Variants in WDR35 observed in about 807,000 individuals in gnomAD.
The protein encoded by WDR35 is WD repeat domain 35, also known as WD repeat-containing protein 35.
A neutral mutation model predicts 158.3 loss-of-function variants in WDR35; 118 were observed. The ratio of observed to expected loss-of-function variants is 0.75; its 90% CI spans 0.64 to 0.87. The LOEUF (loss-of-function observed/expected upper bound fraction) is 0.87, where lower values mean the gene tolerates loss of function less well. WDR35 is among the 40% of genes least tolerant of loss of function. WDR35 has a pLI of 0.00. For synonymous variants in WDR35, 448 were observed against 476.1 expected (o/e 0.94, Z 0.77); for missense variants, 1,263 against 1,405.8 (o/e 0.90, Z 1.62).
intron 25 of WDR35, among the ~76,000 whole-genome samples, chr2:19,929,954 T>C (rs900377298): frequency 6.6e-6 from 1 of 151,844 alleles, no homozygotes; most frequent in African/African-American, 2.4e-5. Context: ...TTTTAAAACG[T>C]GGTTTTCAAA....
chr2:19,950,661 C>T (rs1259673564), intron 13 of WDR35, among the ~76,000 whole-genome samples: 1 of 152,106 alleles, frequency 6.6e-6, no homozygotes, highest in Admixed American at 6.5e-5. Context: ...ACTTAATAGA[C>T]ATTCAAAAAA....
intron 25 of WDR35, among the ~76,000 whole-genome samples, chr2:19,916,339 A>G (rs1303595250): frequency 2.6e-5 from 4 of 152,186 alleles, no homozygotes; most frequent in Admixed American, 1.3e-4. Flanking sequence ...AGCTAGCTGC[A>G]GGAGTTTTTC....
At chr2:19,959,266 A>G (rs1378962483) in intron 11 of WDR35, among the ~76,000 whole-genome samples, 2 of 152,126 alleles carry the variant, frequency 1.3e-5, no homozygotes, top group Non-Finnish European at 2.9e-5. Flanking sequence ...TACTTGTGAT[A>G]AAAATTACTT....
intron 26 of WDR35, 73 bp downstream of exon 26, chr2:19,913,964 T>G: frequency 6.2e-7 from 1 of 1,601,646 alleles, no homozygotes; most frequent in Non-Finnish European, 8.5e-7. Context: ...AATTCCTACA[T>G]TAAACATTGT....
intron 5 of WDR35, among the ~76,000 whole-genome samples, chr2:19,977,920 C>T (rs1353819746): frequency 1.3e-5 from 2 of 152,204 alleles, no homozygotes; most frequent in Non-Finnish European, 1.5e-5. Context: ...TACACACCAA[C>T]CTACCTTGTG....
chr2:19,971,945 A>C (rs1209078402), intron 8 of WDR35, among the ~76,000 whole-genome samples: 1 of 152,184 alleles, frequency 6.6e-6, no homozygotes, highest in African/African-American at 2.4e-5. Flanking sequence ...GAAAATAACT[A>C]AACTGTGTCT....
At chr2:19,948,073 G>T in intron 14 of WDR35, 91 bp downstream of exon 14, 1 of 1,028,508 alleles carries the variant, frequency 9.7e-7, no homozygotes. Context: ...AAGTAACTGT[G>T]ATTACAGACA....
At chr2:19,923,423 G>C (rs1670246288) in intron 25 of WDR35, among the ~76,000 whole-genome samples, 1 of 152,186 alleles carries the variant, frequency 6.6e-6, no homozygotes, top group Non-Finnish European at 1.5e-5. Flanking sequence ...GGAAAAGTGT[G>C]GGCTGTGGTT....
intron 25 of WDR35, among the ~76,000 whole-genome samples, chr2:19,918,480 T>C (rs1266374509): frequency 6.6e-6 from 1 of 152,092 alleles, no homozygotes; most frequent in Non-Finnish European, 1.5e-5. Context: ...TGGTGTGCTG[T>C]ATGCAGGAGA....
chr2:19,932,021 A>G lies in WDR35; in HGVS notation c.2823+262T>C, dbSNP rs899862575. Among the ~76,000 whole-genome samples the G allele has an allele frequency of 2.0e-5, 3 of 152,264 alleles. No individual in the cohort carries two copies. The East Asian group carries it at 5.8e-4, about 29-fold the overall frequency. On this transcript the variant is annotated intron_variant, in intron 23 of 26. Transcript: ENST00000281405. ...CCTGTTGTAGAAATTTGTACTTTGC[A>G]GTCTCAGTAATTTCTTTAACTCTTT...
At chr2:19,979,823 G>T (rs533519288) in intron 4 of WDR35, among the ~76,000 whole-genome samples, 1 of 142,408 alleles carries the variant, frequency 7.0e-6, no homozygotes, top group African/African-American at 2.5e-5. Context: ...AAAAATTAAA[G>T]TATTATAGCA....
chr2:19,910,568 C>T lies in WDR35; in HGVS notation c.*2990G>A, dbSNP rs781556463. The T allele has an allele frequency of 2.0e-5, 3 of 152,158 alleles. No homozygotes were observed. Among genetic ancestry groups the T allele is most frequent in the Non-Finnish European group, 2.9e-5 (2 of 68,042 alleles). The allele number at this position is 152,158 out of a possible 1,614,324, so 9.4% of individuals were successfully genotyped here. On this transcript the variant is annotated 3_prime_UTR_variant, in exon 27 of 27. Coordinates refer to ENST00000281405, the MANE Select transcript of WDR35 (RefSeq NM_020779.4). ...AAAAAAACAACTTGGCATTACTCAA[C>T]GGGAAGTCAGTACATGTTTTTTGCA...
intron 2 of WDR35, among the ~76,000 whole-genome samples, chr2:19,983,176 C>T (rs1268344182): frequency 6.6e-6 from 1 of 152,132 alleles, no homozygotes; most frequent in African/African-American, 2.4e-5. Context: ...CCAGGGAAGG[C>T]TATCAGAAGA....
intron 25 of WDR35, among the ~76,000 whole-genome samples, chr2:19,927,362 G>A (rs773758007): frequency 2.3e-4 from 35 of 152,212 alleles, no homozygotes; most frequent in Non-Finnish European, 4.7e-4. Context: ...TTGCATTGCA[G>A]AACAGGCAGA....
rs527280259 is a variant in WDR35 at position 19,936,116 on chromosome 2, A to C, written c.2414+103T>G. The C allele has an allele frequency of 2.1e-5, 33 of 1,540,282 alleles. No individual in the cohort carries two copies. In the South Asian group the frequency reaches 3.4e-4, roughly 16 times the overall value. ...TAGAGCTATCTGAATTTTAGAATTC[A>C]AGAAAATGATCTTCATTTCCCCAGG... On this transcript the variant is annotated intron_variant, in intron 20 of 26. Coordinates refer to ENST00000281405, the MANE Select transcript of WDR35 (RefSeq NM_020779.4).
chr2:19,968,885 C>T (rs545726268), intron 9 of WDR35, among the ~76,000 whole-genome samples: 1 of 152,346 alleles, frequency 6.6e-6, no homozygotes, highest in South Asian at 2.1e-4. Context: ...CTTCTCTACC[C>T]TGCCGTGAGC....
Position 19,931,401 on chromosome 2 carries a change from AT to A in WDR35, c.2831del (p.Asp944ValfsTer24), listed in dbSNP as rs1405625607. 10 of 1,613,284 alleles carry A rather than the reference AT, an allele frequency of 6.2e-6. No individual in the cohort carries two copies. The highest frequency in any genetic ancestry group is 8.5e-6 in the Non-Finnish European group (10 of 1,179,656). ...DAAKLMFKIA[D>X]EEAKKGSKPL... is the part of the protein sequence containing the mutation. ...GTTTACTTCCTTTCTTTGCCTCTTC[AT>A]CTGCAATCTTAAACATTTTTCAAAA... On this transcript the variant is annotated frameshift_variant, in exon 24 of 27. Coordinates refer to ENST00000281405, the MANE Select transcript of WDR35 (RefSeq NM_020779.4). LOFTEE classifies it high-confidence loss of function.
intron 25 of WDR35, among the ~76,000 whole-genome samples, chr2:19,927,996 C>T (rs765232955): frequency 2.0e-5 from 3 of 152,146 alleles, no homozygotes; most frequent in African/African-American, 4.8e-5. Context: ...AGAAGGGGGA[C>T]ATGTTGGGAA....
intron 9 of WDR35, 76 bp from the exon 10 acceptor site, chr2:19,966,985 C>T: frequency 7.0e-7 from 1 of 1,434,676 alleles, no homozygotes; most frequent in Admixed American, 1.7e-5. Flanking sequence ...AGGCAAATCA[C>T]ATTATTTTAT....
Sources: allele counts gnomAD v4.1 joint callset (sites outside exome capture counted in the v4.1 genomes callset), GRCh38; gene constraint gnomAD v4.1.1; transcripts MANE v1.5; gene names NCBI Gene and HGNC (gene_info 2026-07-23, HGNC 2026-07-21).